DPP6: variants seen among roughly 807,000 people sequenced by gnomAD.
DPP6 encodes the protein dipeptidyl peptidase like 6, also known as A-type potassium channel modulatory protein DPP6.
In DPP6, 69 loss-of-function variants were observed where a neutral mutation model predicts 122.6. The ratio of observed to expected loss-of-function variants is 0.56; its 90% CI spans 0.46 to 0.69. The LOEUF (loss-of-function observed/expected upper bound fraction) is 0.69. Ranked by LOEUF, DPP6 falls within the 30% of genes least tolerant of loss-of-function variation. The probability of loss-of-function intolerance (pLI) is 0.00; values close to 1 mark genes in which losing one functional copy is unlikely to be tolerated. For missense variants in DPP6, 928 were observed against 1,116.9 expected (o/e 0.83, Z 2.41); for synonymous variants, 418 against 433.1 (o/e 0.97, Z 0.43).
rs1004723792 is a variant in DPP6 at position 154,483,029 on chromosome 7, T to C, written c.457+7992T>C. Among the ~76,000 whole-genome samples the C allele has an allele frequency of 5.3e-5, 8 of 151,790 alleles. No homozygotes were observed. The highest frequency in any genetic ancestry group is 4.6e-4 in the Admixed American group (7 of 15,232). ...ACTGGGGATGAAGCCAGGTGAGAGG[T>C]TGGAGCCATCTGGAGGACCATGGAA... On this transcript the variant is annotated intron_variant, in intron 3 of 25. Coordinates refer to ENST00000377770, the MANE Select transcript of DPP6 (RefSeq NM_130797.4). This position sits in a 1 kb window ranked among gnomAD's most constrained non-coding sequence, Gnocchi z 8.1.
chr7:154,550,849 C>G (rs1829580106), intron 4 of DPP6, among the ~76,000 whole-genome samples: 1 of 150,456 alleles, frequency 6.6e-6, no homozygotes, highest in Non-Finnish European at 1.5e-5. Flanking sequence ...CTCCCAGGTT[C>G]AAGCGATTCA....
intron 16 of DPP6, among the ~76,000 whole-genome samples, chr7:154,838,085 C>T (rs1384115088): frequency 6.6e-6 from 1 of 152,148 alleles, no homozygotes; most frequent in Admixed American, 6.5e-5. Flanking sequence ...CTTCTCGGGT[C>T]CTGAGGTTTG....
intron 8 of DPP6, among the ~76,000 whole-genome samples, chr7:154,763,897 C>T (rs543954478): frequency 2.6e-5 from 4 of 152,272 alleles, no homozygotes; most frequent in Non-Finnish European, 5.9e-5. Context: ...CCCGGCCTCC[C>T]TTTTTGTACT....
intron 1 of DPP6, among the ~76,000 whole-genome samples, chr7:154,074,417 A>G (rs1803403689): frequency 6.6e-6 from 1 of 152,180 alleles, no homozygotes; most frequent in African/African-American, 2.4e-5. Context: ...AACTTATTAT[A>G]AAGTCTTAGT....
At chr7:153,893,988 G>A (rs1338138255) in intron 1 of DPP6, among the ~76,000 whole-genome samples, 1 of 152,202 alleles carries the variant, frequency 6.6e-6, no homozygotes, top group Non-Finnish European at 1.5e-5. Flanking sequence ...TAGAGGTACA[G>A]CAGGCTGTTT....
At chr7:154,281,391 G>A (rs1242864214) in intron 1 of DPP6, among the ~76,000 whole-genome samples, 2 of 152,102 alleles carry the variant, frequency 1.3e-5, no homozygotes, top group Admixed American at 6.5e-5. Flanking sequence ...AGGATGTGGT[G>A]GGCTCTCCCT....
Position 154,775,916 on chromosome 7 carries a change from C to T in DPP6, c.1136+2974C>T, listed in dbSNP as rs537522442. On this transcript the variant is annotated intron_variant, in intron 10 of 25. Transcript: ENST00000377770. ...CATGGTCCAGGGCAACTCCACCTTC[C>T]AGGATCCCCGGCCTCCTTTACGTCC... Among the ~76,000 whole-genome samples, 24 of 152,280 alleles carry T rather than the reference C, an allele frequency of 1.6e-4. No individual in the cohort carries two copies. The South Asian group carries it at 3.7e-3, about 24-fold the overall frequency.
intron 3 of DPP6, among the ~76,000 whole-genome samples, chr7:154,489,499 A>G (rs1000280206): frequency 3.9e-5 from 6 of 152,098 alleles, no homozygotes; most frequent in Non-Finnish European, 7.4e-5. Flanking sequence ...AGTGGTAGAA[A>G]TGTGTAGAAA....
chr7:154,537,576 G>A (rs1828360846), intron 3 of DPP6, among the ~76,000 whole-genome samples: 1 of 152,072 alleles, frequency 6.6e-6, no homozygotes, highest in South Asian at 2.1e-4. Context: ...TGTAATCCCA[G>A]CTACTGGGAA....
At chr7:153,794,976 A>G in the DPP6 span, among the ~76,000 whole-genome samples, 4 of 151,692 alleles carry the variant, frequency 2.6e-5, no homozygotes, top group East Asian at 7.7e-4. Flanking sequence ...GTCCAATTAA[A>G]CCTCCTTTTC....
At chr7:154,850,269 T>C (rs913514914) in intron 16 of DPP6, among the ~76,000 whole-genome samples, 1 of 152,182 alleles carries the variant, frequency 6.6e-6, no homozygotes, top group East Asian at 1.9e-4. Flanking sequence ...CTCCCACTTA[T>C]GAGTGAGAAC....
At chr7:154,816,188 TCC>T (rs963389271) in intron 16 of DPP6, among the ~76,000 whole-genome samples, 4 of 152,084 alleles carry the variant, frequency 2.6e-5, no homozygotes, top group African/African-American at 9.7e-5. Flanking sequence ...AGTATGGCAG[TCC>T]CCCCTTATCC....
chr7:154,301,787 T>C (rs987278763), intron 1 of DPP6, among the ~76,000 whole-genome samples: 1 of 62,228 alleles, frequency 1.6e-5, no homozygotes, highest in East Asian at 3.5e-4. Context: ...ATCTGCCCTC[T>C]TTTTTTTTTT....
chr7:154,511,530 C>T (rs188897605), intron 3 of DPP6, among the ~76,000 whole-genome samples: 6 of 152,254 alleles, frequency 3.9e-5, no homozygotes, highest in Admixed American at 2.0e-4. Context: ...AATGAAATTA[C>T]AGAACCATTG....
At chr7:154,227,876 T>C (rs1485975890) in intron 1 of DPP6, among the ~76,000 whole-genome samples, 1 of 152,228 alleles carries the variant, frequency 6.6e-6, no homozygotes, top group Non-Finnish European at 1.5e-5. Context: ...GCCCTATGCC[T>C]GCCTTTTATC....
At chr7:154,408,623 A>C (rs1450118156) in intron 1 of DPP6, among the ~76,000 whole-genome samples, 2 of 152,204 alleles carry the variant, frequency 1.3e-5, no homozygotes, top group Non-Finnish European at 2.9e-5. Flanking sequence ...CTATTAACTC[A>C]ACTATAGACT....
At chr7:154,305,381 C>T in intron 1 of DPP6, 4 of 899,842 alleles carry the variant, frequency 4.4e-6, no homozygotes, top group South Asian at 5.1e-5. Flanking sequence ...CTTGTGATTT[C>T]GGAAGTATGG....
At chr7:153,798,757 G>A in the DPP6 span, among the ~76,000 whole-genome samples, 2 of 152,170 alleles carry the variant, frequency 1.3e-5, no homozygotes, top group Middle Eastern at 3.2e-3. Flanking sequence ...TCACCATAAT[G>A]TAGAATCAGT....
the DPP6 span, among the ~76,000 whole-genome samples, chr7:153,864,671 A>G: frequency 1.1e-5 from 1 of 87,210 alleles, no homozygotes; most frequent in East Asian, 3.9e-4. Flanking sequence ...AATAATAATA[A>G]TACACACACA....
Sources: allele counts gnomAD v4.1 joint callset (sites outside exome capture counted in the v4.1 genomes callset), GRCh38; gene constraint gnomAD v4.1.1; non-coding constraint Gnocchi (gnomAD v3.1); transcripts MANE v1.5; gene names NCBI Gene and HGNC (gene_info 2026-07-23, HGNC 2026-07-21).